The following RIC1 variants were observed in gnomAD, a reference collection of about 807,000 sequenced individuals.
RIC1 encodes RIC1 partner of RAB6A GEF complex.
In RIC1, 88 loss-of-function variants were observed where a neutral mutation model predicts 169.0. The observed-to-expected ratio is 0.52, with a 90% confidence interval of 0.44 to 0.62. The LOEUF is 0.62. RIC1 is among the 20% of genes least tolerant of loss of function. The probability of loss-of-function intolerance (pLI) is 0.00; values close to 1 mark genes in which losing one functional copy is unlikely to be tolerated. For missense variants in RIC1, 1,877 were observed against 1,725.5 expected (o/e 1.09, Z -1.56); for synonymous variants, 790 against 601.5 (o/e 1.31, Z -4.59).
intron 2 of RIC1, among the ~76,000 whole-genome samples, chr9:5,677,014 G>A (rs978481151): frequency 4.6e-5 from 7 of 152,264 alleles, no homozygotes; most frequent in South Asian, 2.1e-4. Flanking sequence ...GTATGGATGC[G>A]TATTTCCTTT....
chr9:5,630,764 G>A (rs1031482485), intron 1 of RIC1, among the ~76,000 whole-genome samples: 2 of 152,098 alleles, frequency 1.3e-5, no homozygotes, highest in Non-Finnish European at 2.9e-5. Context: ...ATGTGTGTGT[G>A]TATATATATA....
chr9:5,715,329 G>T (rs1823166416), intron 4 of RIC1, among the ~76,000 whole-genome samples: 1 of 151,964 alleles, frequency 6.6e-6, no homozygotes, highest in Non-Finnish European at 1.5e-5. Flanking sequence ...CATGGAAATA[G>T]AATAGAAAAA....
intron 1 of RIC1, among the ~76,000 whole-genome samples, chr9:5,645,305 T>A (rs974674538): frequency 8.5e-5 from 13 of 152,196 alleles, no homozygotes; most frequent in African/African-American, 2.9e-4. Context: ...TCCGAAAGTG[T>A]TGGAATTACA....
At chr9:5,643,033 C>T (rs1818326731) in intron 1 of RIC1, among the ~76,000 whole-genome samples, 1 of 152,082 alleles carries the variant, frequency 6.6e-6, no homozygotes, top group African/African-American at 2.4e-5. Context: ...GGCATGGTGG[C>T]TCACACCTGT....
chr9:5,733,902 T>C (rs1824530518), intron 7 of RIC1, among the ~76,000 whole-genome samples: 1 of 151,482 alleles, frequency 6.6e-6, no homozygotes, highest in African/African-American at 2.4e-5. Context: ...TTCTTTGTCT[T>C]CTCTATTCAT....
At chr9:5,639,968 T>C (rs148299936) in intron 1 of RIC1, among the ~76,000 whole-genome samples, 1 of 152,328 alleles carries the variant, frequency 6.6e-6, no homozygotes, top group African/African-American at 2.4e-5. Context: ...CCTTTGTATG[T>C]GAAGTGTGTT....
At position 5,772,931 on chromosome 9, in the gene RIC1, C is replaced by T. The variant is rs186010947; in HGVS notation, c.3834C>T (p.Asp1278=). The T allele has an allele frequency of 3.2e-5, 51 of 1,613,572 alleles. No homozygotes were observed. Among genetic ancestry groups the T allele is most frequent in the Admixed American group, 2.7e-4 (16 of 59,932 alleles). Residue 1278 remains aspartate, a synonymous_variant, in exon 25 of 26, where the codon GAC becomes GAT. Transcript: ENST00000414202. ...LHIFMEAGCL[D]WCIVIGLILR... is the part of the protein sequence containing the mutation. ...TTTTCATGGAGGCAGGGTGCCTAGA[C>T]TGGTGCATCGTTATAGGCCTGATTC... is the stretch of plus-strand genomic sequence containing the variant.
Position 5,742,982 on chromosome 9 carries a change from C to T in RIC1, c.1015C>T (p.Gln339Ter). 1 of 1,612,916 alleles carries T rather than the reference C, an allele frequency of 6.2e-7. No individual in the cohort carries two copies. Residue 339 changes from glutamine (Q) to a stop codon, truncating the protein, a stop_gained, in exon 9 of 26, where the codon CAG becomes TAG. Coordinates refer to ENST00000414202, the MANE Select transcript of RIC1 (RefSeq NM_020829.4). LOFTEE classifies it high-confidence loss of function. ...GLSLWSVFGA[Q>*]LICTLGGDFA... ...TTCTTTATGGAGTGTTTTTGGAGCA[C>T]AGCTGATTTGTACACTTGGAGGAGA...
At chr9:5,654,144 G>A (rs182465713) in intron 1 of RIC1, among the ~76,000 whole-genome samples, 1 of 151,994 alleles carries the variant, frequency 6.6e-6, no homozygotes, top group African/African-American at 2.4e-5. Flanking sequence ...GACTACAGGT[G>A]TGTGCCACCA....
intron 3 of RIC1, among the ~76,000 whole-genome samples, chr9:5,710,602 A>T (rs150322168): frequency 1.3e-5 from 2 of 152,340 alleles, no homozygotes; most frequent in East Asian, 3.9e-4. Context: ...ACAAAGGACT[A>T]AACATTGTTA....
chr9:5,749,431 A>C (rs1825591213), intron 12 of RIC1, among the ~76,000 whole-genome samples: 1 of 152,210 alleles, frequency 6.6e-6, no homozygotes, highest in Non-Finnish European at 1.5e-5. Context: ...CTCCCTGAAG[A>C]AACATAGTTG....
chr9:5,761,733 A>G (rs1280844350), intron 17 of RIC1, among the ~76,000 whole-genome samples: 1 of 152,222 alleles, frequency 6.6e-6, no homozygotes, highest in Non-Finnish European at 1.5e-5. Context: ...CTTTACAGAT[A>G]GAAATGACTT....
intron 2 of RIC1, among the ~76,000 whole-genome samples, chr9:5,658,384 C>T (rs543365395): frequency 6.6e-6 from 1 of 152,064 alleles, no homozygotes; most frequent in East Asian, 1.9e-4. Context: ...CACAAAATTC[C>T]TTCACAAAAA....
chr9:5,713,173 G>A (rs1265975916), intron 3 of RIC1: 1 of 152,200 alleles, frequency 6.6e-6, no homozygotes, highest in African/African-American at 2.4e-5. Context: ...AGTGATAGCT[G>A]ATGGTGAGAG....
At chr9:5,722,206 T>C (rs1472907765) in intron 6 of RIC1, among the ~76,000 whole-genome samples, 3 of 143,086 alleles carry the variant, frequency 2.1e-5, no homozygotes, top group Non-Finnish European at 4.6e-5. Context: ...CTTCTTCTTC[T>C]TTTTTTTTTT....
At chr9:5,653,464 A>G (rs1818917378) in intron 1 of RIC1, among the ~76,000 whole-genome samples, 1 of 152,206 alleles carries the variant, frequency 6.6e-6, no homozygotes, top group Admixed American at 6.5e-5. Flanking sequence ...CCAGAAAATA[A>G]ATTGCTGGGA....
At chr9:5,742,543 T>C (rs905836924) in intron 8 of RIC1, among the ~76,000 whole-genome samples, 1 of 152,284 alleles carries the variant, frequency 6.6e-6, no homozygotes, top group East Asian at 1.9e-4. Context: ...TGTAACCTTA[T>C]CCTTGTTTTA....
intron 3 of RIC1, among the ~76,000 whole-genome samples, chr9:5,691,237 C>T (rs1469740670): frequency 6.6e-6 from 1 of 151,760 alleles, no homozygotes; most frequent in African/African-American, 2.4e-5. Context: ...GTAATATGAC[C>T]ATGACTGTAT....
chr9:5,671,791 C>G (rs1820122946), intron 2 of RIC1, among the ~76,000 whole-genome samples: 1 of 152,112 alleles, frequency 6.6e-6, no homozygotes, highest in African/African-American at 2.4e-5. Flanking sequence ...ATATCAAGTT[C>G]TTTAGGGAAA....
Sources: gnomAD v4.1 joint callset for allele counts (sites outside exome capture counted in the v4.1 genomes callset) on GRCh38, gnomAD v4.1.1 for gene constraint, MANE v1.5 for transcripts, NCBI Gene and HGNC (gene_info 2026-07-23, HGNC 2026-07-21) for gene names.